CFAP47: variants seen among roughly 807,000 people sequenced by gnomAD.
CFAP47 encodes cilia and flagella associated protein 47, also known as cilia- and flagella-associated protein 47.
A neutral mutation model predicts 148.1 loss-of-function variants in CFAP47; 29 were observed. That is an observed-to-expected ratio of 0.20 (90% CI 0.15 to 0.27). The LOEUF (loss-of-function observed/expected upper bound fraction) is 0.27. Among genes scored for constraint, CFAP47 ranks in the 10% least tolerant of loss-of-function variants. CFAP47 has a pLI of 1.00. For synonymous variants in CFAP47, 664 were observed against 577.3 expected, an observed-to-expected ratio of 1.15 and a Z score of -2.15; for missense variants, 1,872 against 1,697.5, an observed-to-expected ratio of 1.10 and a Z score of -1.81.
chrX:36,243,099 G>C (rs1555996335), intron 48 of CFAP47, among the ~76,000 whole-genome samples: 1 of 111,432 alleles, frequency 9.0e-6, no homozygotes, highest in Non-Finnish European at 1.9e-5. Flanking sequence ...AGCTTCATAA[G>C]TGGAGAGATA....
chrX:36,322,911 G>A lies in CFAP47; in HGVS notation c.8443+3604G>A, dbSNP rs182195861. 8.4e-3 allele frequency among the ~76,000 whole-genome samples: 935 copies of A among 110,991 alleles called. 7 individuals are homozygous for A. Among genetic ancestry groups the A allele is most frequent in the African/African-American group, 0.029 (878 of 30,682 alleles). ...ACATGCTATAATACTAGTTGTAGGAGTTTTTCTGCTTATTTGAGGAACATA... is the reference window on the plus strand; with the variant it reads ...ACATGCTATAATACTAGTTGTAGGAATTTTTCTGCTTATTTGAGGAACATA... On this transcript the variant is annotated intron_variant, in intron 57 of 63. Coordinates refer to ENST00000378653, the MANE Select transcript of CFAP47 (RefSeq NM_001304548.2).
At chrX:36,360,988 A>G (rs1321013111) in intron 60 of CFAP47, among the ~76,000 whole-genome samples, 2 of 112,201 alleles carry the variant, frequency 1.8e-5, no homozygotes, top group Non-Finnish European at 3.8e-5. Context: ...TTTATTATAT[A>G]GAGCAAATGT....
Position 36,385,083 on chromosome X carries a change from G to T in CFAP47, c.*77G>T. On this transcript the variant is annotated 3_prime_UTR_variant, in exon 64 of 64. Transcript: ENST00000378653. ...ATTTCATCTTTTGGAATATTTCTGA[G>T]GAATAATGGTTTAATTATAATAGGC... 1 of 649,586 alleles carries T rather than the reference G, an allele frequency of 1.5e-6. No individual in the cohort carries two copies. The highest frequency in any genetic ancestry group is 2.4e-6 in the Non-Finnish European group (1 of 420,536). The allele number at this position is 649,586 out of a possible 1,213,427, so 53.5% of individuals were successfully genotyped here. A position where few individuals can be genotyped will look rare whatever the true frequency, so the allele number is the denominator to read the frequency against.
intron 2 of CFAP47, among the ~76,000 whole-genome samples, chrX:35,937,120 T>TG (rs953337224): frequency 4.2e-5 from 4 of 94,613 alleles, no homozygotes; most frequent in African/African-American, 1.7e-4. Context: ...TTTTTTTTTT[T>TG]TTTTTTTTTT....
At chrX:35,970,224 G>T (rs1016809006) in intron 10 of CFAP47, among the ~76,000 whole-genome samples, 1 of 110,965 alleles carries the variant, frequency 9.0e-6, no homozygotes, top group Non-Finnish European at 1.9e-5. Flanking sequence ...AAACCCAGTT[G>T]AGTGAATATT....
chrX:36,270,373 C>T (rs782012500), intron 49 of CFAP47, among the ~76,000 whole-genome samples: 1 of 110,093 alleles, frequency 9.1e-6, no homozygotes, highest in Non-Finnish European at 1.9e-5. Context: ...GTAGATACTG[C>T]GATCACAGTG....
At chrX:36,285,285 G>T (rs1164995782) in intron 50 of CFAP47, among the ~76,000 whole-genome samples, 1 of 111,022 alleles carries the variant, frequency 9.0e-6, no homozygotes, top group Non-Finnish European at 1.9e-5. Context: ...TGAATAGTTT[G>T]TCAATGAGAA....
intron 39 of CFAP47, among the ~76,000 whole-genome samples, chrX:36,161,709 T>C (rs2336657): frequency 0.11 from 11,740 of 111,697 alleles, 1,213 homozygotes; most frequent in African/African-American, 0.32. Flanking sequence ...ATATTGAAAC[T>C]GGAAGTTATA....
At chrX:36,032,761 A>G (rs1315908858) in intron 23 of CFAP47, among the ~76,000 whole-genome samples, 1 of 111,225 alleles carries the variant, frequency 9.0e-6, no homozygotes, top group Non-Finnish European at 1.9e-5. Flanking sequence ...TTGTGAATAC[A>G]TGACCTTATA....
chrX:36,382,300 A>G lies in CFAP47; in HGVS notation c.9355-2497A>G, dbSNP rs181115418. 6.3e-5 allele frequency among the ~76,000 whole-genome samples: 7 copies of G among 111,529 alleles called. No homozygotes were observed. In the East Asian group the frequency reaches 2.0e-3, roughly 32 times the overall value. On this transcript the variant is annotated intron_variant, in intron 63 of 63. Transcript: ENST00000378653. ...AGAGGTTAAGAAAGTTTGGTTACAT[A>G]TACAGTAACCGCCACTATTCCAATC...
At chrX:36,167,917 G>A (rs749990566) in intron 39 of CFAP47, among the ~76,000 whole-genome samples, 2 of 111,457 alleles carry the variant, frequency 1.8e-5, no homozygotes, top group South Asian at 7.5e-4. Flanking sequence ...TTGTTTGTTT[G>A]TTTTGTTTTT....
intron 56 of CFAP47, among the ~76,000 whole-genome samples, chrX:36,317,534 C>T (rs1328245708): frequency 9.3e-6 from 1 of 107,789 alleles, no homozygotes; most frequent in Admixed American, 9.9e-5. Flanking sequence ...CTCAGCCTCC[C>T]GAGTAGCTGG....
At chrX:36,004,270 C>T (rs1936954970) in intron 21 of CFAP47, among the ~76,000 whole-genome samples, 1 of 110,946 alleles carries the variant, frequency 9.0e-6, no homozygotes, top group Non-Finnish European at 1.9e-5. Flanking sequence ...AGCCACTGCA[C>T]CAGACCAAAA....
At chrX:36,291,319 G>C (rs1418745413) in intron 51 of CFAP47, among the ~76,000 whole-genome samples, 2 of 111,952 alleles carry the variant, frequency 1.8e-5, no homozygotes, top group African/African-American at 6.5e-5. Context: ...AGATATCTCT[G>C]TATTTCTGAG....
At chrX:36,031,848 G>T (rs1282593786) in intron 23 of CFAP47, among the ~76,000 whole-genome samples, 5 of 110,101 alleles carry the variant, frequency 4.5e-5, no homozygotes, top group Non-Finnish European at 9.5e-5. Context: ...TAAAAAAGAA[G>T]CTCAGCACAC....
At chrX:36,010,974 T>A (rs896990140) in intron 21 of CFAP47, among the ~76,000 whole-genome samples, 4 of 111,924 alleles carry the variant, frequency 3.6e-5, no homozygotes, top group Non-Finnish European at 7.5e-5. Context: ...ACTGGACATT[T>A]GAATATTATA....
chrX:36,271,334 C>T (rs1361608013), intron 49 of CFAP47, among the ~76,000 whole-genome samples: 2 of 111,565 alleles, frequency 1.8e-5, no homozygotes, highest in African/African-American at 6.5e-5. Flanking sequence ...CAGAGATTTT[C>T]CTTACAGTAC....
chrX:36,197,052 A>T (rs925284413), intron 42 of CFAP47, among the ~76,000 whole-genome samples: 10 of 111,810 alleles, frequency 8.9e-5, no homozygotes, highest in African/African-American at 2.6e-4. Context: ...TAATGTTCTG[A>T]CACAGGCAAG....
At chrX:35,998,442 C>T (rs901879572) in intron 19 of CFAP47, among the ~76,000 whole-genome samples, 1 of 111,251 alleles carries the variant, frequency 9.0e-6, no homozygotes, top group Non-Finnish European at 1.9e-5. Context: ...AAATCTTATA[C>T]CCTGGGAACA....
Sources: allele counts gnomAD v4.1 joint callset (sites outside exome capture counted in the v4.1 genomes callset), GRCh38; gene constraint gnomAD v4.1.1; transcripts MANE v1.5; gene names NCBI Gene and HGNC (gene_info 2026-07-23, HGNC 2026-07-21).